The following ROBO2 variants were observed in gnomAD, a reference collection of about 807,000 sequenced individuals.
ROBO2 encodes the protein roundabout homolog 2.
A neutral mutation model predicts 160.8 loss-of-function variants in ROBO2; 53 were observed. The observed-to-expected ratio is 0.33, with a 90% confidence interval of 0.26 to 0.41. The LOEUF (loss-of-function observed/expected upper bound fraction) is 0.41. ROBO2 is among the 10% of genes least tolerant of loss of function. The probability of loss-of-function intolerance (pLI) is 1.00; values close to 1 mark genes in which losing one functional copy is unlikely to be tolerated. For synonymous variants in ROBO2, 664 were observed against 611.7 expected (o/e 1.09, Z -1.26); for missense variants, 1,577 against 1,722.4 (o/e 0.92, Z 1.49).
At chr3:77,617,370 G>T in intron 21 of ROBO2, 143 bp from the exon 23 acceptor site, 1 of 857,508 alleles carries the variant, frequency 1.2e-6, no homozygotes, top group Non-Finnish European at 1.9e-6. Flanking sequence ...ATTTACTGTG[G>T]TGACACCAAC....
At chr3:77,645,032 T>G in intron 25 of ROBO2, 128 bp downstream of exon 27, 1 of 962,758 alleles carries the variant, frequency 1.0e-6, no homozygotes, top group South Asian at 1.4e-5. Flanking sequence ...TCAATTGCAA[T>G]TTTCAACAAG....
At chr3:77,420,535 A>T (rs1444683866) in intron 2 of ROBO2, among the ~76,000 whole-genome samples, 2 of 152,036 alleles carry the variant, frequency 1.3e-5, no homozygotes, top group Non-Finnish European at 2.9e-5. Flanking sequence ...GCAGCTGTAC[A>T]GTTGGGAAAT....
chr3:77,521,123 C>G (rs1290786762), intron 5 of ROBO2, among the ~76,000 whole-genome samples: 2 of 151,162 alleles, frequency 1.3e-5, no homozygotes, highest in Non-Finnish European at 3.0e-5. Flanking sequence ...CTTTATATGT[C>G]ATTTAAAGCT....
intron 2 of ROBO2, among the ~76,000 whole-genome samples, chr3:77,418,466 G>C (rs1490974793): frequency 1.3e-5 from 2 of 152,008 alleles, no homozygotes. Flanking sequence ...GACTAAATTT[G>C]CTGGATCTTA....
intron 2 of ROBO2, among the ~76,000 whole-genome samples, chr3:76,946,368 A>G (rs2078540295): frequency 6.6e-6 from 1 of 152,018 alleles, no homozygotes; most frequent in Admixed American, 6.5e-5. Context: ...GATTACTTGA[A>G]AAGGACCCTG....
intron 2 of ROBO2, among the ~76,000 whole-genome samples, chr3:77,343,728 A>G (rs146125915): frequency 4.4e-4 from 67 of 152,322 alleles, no homozygotes; most frequent in African/African-American, 1.6e-3. Flanking sequence ...AGACTTCTCA[A>G]TAATGATAGC....
At chr3:77,480,924 A>G (rs927289066) in intron 3 of ROBO2, among the ~76,000 whole-genome samples, 175 bp from the exon 4 acceptor site, 1 of 152,196 alleles carries the variant, frequency 6.6e-6, no homozygotes, top group Non-Finnish European at 1.5e-5. Flanking sequence ...GGAAACTTAC[A>G]TTGAGGGTGA....
chr3:76,162,111 G>T (rs570522002), intron 2 of ROBO2, among the ~76,000 whole-genome samples: 4 of 152,228 alleles, frequency 2.6e-5, no homozygotes, highest in African/African-American at 9.6e-5. Context: ...TATGCAGAGA[G>T]ATTTTGGCAT....
At chr3:76,322,631 T>C (rs929601365) in intron 2 of ROBO2, among the ~76,000 whole-genome samples, 1 of 152,158 alleles carries the variant, frequency 6.6e-6, no homozygotes, top group Admixed American at 6.5e-5. Flanking sequence ...TTTTGACTTA[T>C]AATAATTAAT....
At chr3:76,378,183 A>G (rs751993468) in intron 2 of ROBO2, among the ~76,000 whole-genome samples, 3 of 152,176 alleles carry the variant, frequency 2.0e-5, no homozygotes, top group Non-Finnish European at 4.4e-5. Flanking sequence ...TGAAAAATAA[A>G]CCTCTATACT....
chr3:76,803,473 AAGGGAGGG>A (rs949656118), intron 2 of ROBO2, among the ~76,000 whole-genome samples: 4 of 138,172 alleles, frequency 2.9e-5, no homozygotes, highest in Admixed American at 1.4e-4. Context: ...GAAAGGAAGG[AAGGGAGGG>A]AGGGAGGGAG....
At chr3:76,250,502 G>T (rs532535940) in intron 2 of ROBO2, among the ~76,000 whole-genome samples, 1 of 152,018 alleles carries the variant, frequency 6.6e-6, no homozygotes, top group African/African-American at 2.4e-5. Flanking sequence ...ATCGTTTTGC[G>T]TGTAGGAGAG....
intron 1 of ROBO2, among the ~76,000 whole-genome samples, chr3:77,053,936 C>A (rs1049164136): frequency 7.2e-5 from 11 of 152,050 alleles, no homozygotes; most frequent in Admixed American, 7.2e-4. Context: ...AAAGGTCATG[C>A]GATTATAGTG....
chr3:76,795,278 G>A (rs1015095312), intron 2 of ROBO2, among the ~76,000 whole-genome samples: 2 of 151,984 alleles, frequency 1.3e-5, no homozygotes, highest in Non-Finnish European at 2.9e-5. Context: ...TCCCAATGAA[G>A]CTTGCTGCAT....
At chr3:76,866,321 A>T (rs554127026) in intron 2 of ROBO2, among the ~76,000 whole-genome samples, 25 of 152,280 alleles carry the variant, frequency 1.6e-4, no homozygotes, top group Non-Finnish European at 2.8e-4. Context: ...CTTTGGAAGA[A>T]CGCTATTTGT....
intron 2 of ROBO2, among the ~76,000 whole-genome samples, chr3:76,466,837 T>C (rs1341644929): frequency 2.0e-5 from 3 of 152,014 alleles, no homozygotes; most frequent in African/African-American, 7.2e-5. Context: ...ACTAAATTCA[T>C]AGTATTGCAC....
intron 2 of ROBO2, among the ~76,000 whole-genome samples, chr3:76,139,166 A>G (rs1445696931): frequency 6.6e-6 from 1 of 152,128 alleles, no homozygotes; most frequent in Non-Finnish European, 1.5e-5. Flanking sequence ...TTTCTCATTG[A>G]GTTGCCACAA....
intron 2 of ROBO2, among the ~76,000 whole-genome samples, chr3:77,203,613 C>T (rs2083127634): frequency 6.6e-6 from 1 of 152,142 alleles, no homozygotes; most frequent in South Asian, 2.1e-4. Flanking sequence ...AACCAAATGC[C>T]AATTTATTAT....
chr3:76,681,490 A>C lies in ROBO2; in HGVS notation c.110-416524A>C, dbSNP rs1006137512. Among the ~76,000 whole-genome samples the C allele has an allele frequency of 4.6e-5, 7 of 151,950 alleles. No individual in the cohort carries two copies. The Admixed American group carries it at 4.7e-4, about 10-fold the overall frequency. On this transcript the variant is annotated intron_variant, in intron 2 of 26. Transcript: ENST00000487694. The stretch of plus-strand genomic sequence containing the variant: ...AAGTTTCCAAACTCACCCAAAGTTA[A>C]TTAGCAAGTGGCTGAGTCTGGCTTA...
Sources: allele counts gnomAD v4.1 joint callset (sites outside exome capture counted in the v4.1 genomes callset), GRCh38; gene constraint gnomAD v4.1.1; transcripts MANE v1.5; gene names NCBI Gene and HGNC (gene_info 2026-07-23, HGNC 2026-07-21).